Variants in SYT16 observed in about 807,000 individuals in gnomAD.
The protein encoded by SYT16 is synaptotagmin 16, also known as synaptotagmin-16.
SYT16 carries 42 observed loss-of-function variants against 61.4 expected under a neutral mutation model. That is an observed-to-expected ratio of 0.68 (90% CI 0.53 to 0.89). The LOEUF (loss-of-function observed/expected upper bound fraction) is 0.89. Among genes scored for constraint, SYT16 ranks in the 40% least tolerant of loss-of-function variants. The pLI, the probability that SYT16 is intolerant of heterozygous loss-of-function variation, is 0.00. For missense variants in SYT16, 804 were observed against 807.3 expected (o/e 1.00, Z 0.05); for synonymous variants, 314 against 302.3 (o/e 1.04, Z -0.40).
chr14:62,024,125 A>G (rs2054012589), intron 3 of SYT16, among the ~76,000 whole-genome samples: 1 of 152,166 alleles, frequency 6.6e-6, no homozygotes, highest in African/African-American at 2.4e-5. Flanking sequence ...GGTCATAATA[A>G]TATAAATAGC....
intron 1 of SYT16, among the ~76,000 whole-genome samples, chr14:61,850,467 T>A (rs73332899): frequency 0.15 from 22,970 of 152,044 alleles, 1,847 homozygotes; most frequent in African/African-American, 0.22. Flanking sequence ...GATGTTGAAC[T>A]TTTTTTTCAT....
At chr14:62,017,617 G>T (rs1432211819) in intron 3 of SYT16, among the ~76,000 whole-genome samples, 1 of 151,994 alleles carries the variant, frequency 6.6e-6, no homozygotes, top group African/African-American at 2.4e-5. Flanking sequence ...TAATCCATCA[G>T]CAACTCTGGT....
intron 5 of SYT16, among the ~76,000 whole-genome samples, chr14:62,079,142 G>T (rs139904335): frequency 1.8e-3 from 277 of 152,286 alleles, no homozygotes; most frequent in African/African-American, 6.4e-3. Context: ...CTTGATTTTT[G>T]AGTTGGCCTA....
In SYT16 at chr14:62,071,124, CA is replaced by C. The variant is rs1290964050; in HGVS notation, c.736+1312del. 2.0e-5 allele frequency among the ~76,000 whole-genome samples: 3 copies of C among 152,130 alleles called. No homozygotes were observed. The East Asian group carries it at 5.8e-4, about 29-fold the overall frequency. On this transcript the variant is annotated intron_variant, in intron 4 of 7. Coordinates refer to ENST00000683842, the MANE Select transcript of SYT16 (RefSeq NM_001367656.1). ...TTAATAAGTAAAGGCCCTATATAAC[CA>C]AACCACAACATCAGTGGCCGCTGAC...
chr14:61,933,652 C>T (rs561655963), intron 1 of SYT16, among the ~76,000 whole-genome samples: 15 of 152,308 alleles, frequency 9.8e-5, no homozygotes, highest in Admixed American at 3.9e-4. Flanking sequence ...GACCCCTTCC[C>T]AGCTAAAGGG....
At chr14:61,985,459 C>T (rs2052264951) in intron 2 of SYT16, among the ~76,000 whole-genome samples, 1 of 152,170 alleles carries the variant, frequency 6.6e-6, no homozygotes, top group Non-Finnish European at 1.5e-5. Context: ...ATCAATAAAA[C>T]TTTCATCAGA....
intron 7 of SYT16, among the ~76,000 whole-genome samples, chr14:62,099,571 A>G (rs1210160394): frequency 1.3e-5 from 2 of 152,186 alleles, no homozygotes; most frequent in African/African-American, 4.8e-5. Flanking sequence ...GAAGAAGTGT[A>G]GTATTCAGCT....
rs1033139988 is a variant in SYT16 at position 61,956,883 on chromosome 14, AT to A, written c.-324-13241del. Among the ~76,000 whole-genome samples the A allele has an allele frequency of 5.9e-5, 9 of 151,578 alleles. No homozygotes were observed. The East Asian group carries it at 1.5e-3, about 26-fold the overall frequency. ...GACAGGGATTGCATTAAATCTATAGATTTTTTTTAAATCTGTACATTGCTAA... is the reference window on the plus strand; with the variant it reads ...GACAGGGATTGCATTAAATCTATAGATTTTTTTAAATCTGTACATTGCTAA... On this transcript the variant is annotated intron_variant, in intron 1 of 7. Coordinates refer to ENST00000683842, the MANE Select transcript of SYT16 (RefSeq NM_001367656.1).
At chr14:62,047,946 T>TG (rs987918004) in intron 3 of SYT16, among the ~76,000 whole-genome samples, 1 of 152,182 alleles carries the variant, frequency 6.6e-6, no homozygotes, top group Non-Finnish European at 1.5e-5. Context: ...CTTTTTTTTG[T>TG]TGTGTCTCTG....
At chr14:61,826,009 A>G (rs1180003992) in intron 1 of SYT16, among the ~76,000 whole-genome samples, 1 of 152,198 alleles carries the variant, frequency 6.6e-6, no homozygotes, top group African/African-American at 2.4e-5. Context: ...ATAGTGCATC[A>G]TTTATTTTTG....
chr14:62,002,965 AC>A (rs1359623202), intron 3 of SYT16, among the ~76,000 whole-genome samples: 1 of 152,000 alleles, frequency 6.6e-6, no homozygotes, highest in Non-Finnish European at 1.5e-5. Flanking sequence ...CCCTTGTAAA[AC>A]CATCAGAGCT....
chr14:61,868,361 A>C (rs2047226482), intron 1 of SYT16, among the ~76,000 whole-genome samples: 1 of 151,818 alleles, frequency 6.6e-6, no homozygotes, highest in Non-Finnish European at 1.5e-5. Flanking sequence ...TCATCTGCTT[A>C]TTATTACCTT....
intron 1 of SYT16, among the ~76,000 whole-genome samples, chr14:61,849,557 C>G (rs1316384951): frequency 2.0e-5 from 3 of 152,172 alleles, no homozygotes; most frequent in Non-Finnish European, 2.9e-5. Flanking sequence ...TCCATGGGCA[C>G]TGGCTGAGTT....
chr14:61,830,055 T>C (rs112851897), intron 1 of SYT16, among the ~76,000 whole-genome samples: 2 of 152,322 alleles, frequency 1.3e-5, no homozygotes, highest in African/African-American at 4.8e-5. Flanking sequence ...GTTATTGTAT[T>C]TTTCAGTTCT....
At chr14:61,818,715 A>G (rs1008712883) in intron 1 of SYT16, among the ~76,000 whole-genome samples, 1 of 151,912 alleles carries the variant, frequency 6.6e-6, no homozygotes, top group Non-Finnish European at 1.5e-5. Flanking sequence ...GATATTATTA[A>G]TGTTATAGAA....
chr14:62,004,703 G>A (rs2053153641), intron 3 of SYT16, among the ~76,000 whole-genome samples: 1 of 152,192 alleles, frequency 6.6e-6, no homozygotes. Flanking sequence ...TCTGTGACAT[G>A]GTTCTGGCAT....
chr14:61,870,283 G>A (rs1472663038), intron 1 of SYT16, among the ~76,000 whole-genome samples: 2 of 152,026 alleles, frequency 1.3e-5, no homozygotes, highest in Non-Finnish European at 2.9e-5. Flanking sequence ...CTTTAAATAC[G>A]TTGTTCCACT....
chr14:61,975,041 A>T (rs150675060), intron 2 of SYT16, among the ~76,000 whole-genome samples: 1 of 152,362 alleles, frequency 6.6e-6, no homozygotes, highest in African/African-American at 2.4e-5. Context: ...CTGTTATAAA[A>T]TATTTTTCAT....
rs980634665 is a variant in SYT16 at position 62,047,936 on chromosome 14, C to CT, written c.524-21659dup. 1.9e-4 allele frequency among the ~76,000 whole-genome samples: 29 copies of CT among 152,020 alleles called. No individual in the cohort carries two copies. In the East Asian group the frequency reaches 2.1e-3, roughly 11 times the overall value. On this transcript the variant is annotated intron_variant, in intron 3 of 7. Coordinates refer to ENST00000683842, the MANE Select transcript of SYT16 (RefSeq NM_001367656.1). The stretch of plus-strand genomic sequence containing the variant: ...ATCAAGGATATTCGTCTAAAATTCT[C>CT]TTTTTTTTGTTGTGTCTCTGCCAGG...
Sources: gnomAD v4.1 joint callset for allele counts (sites outside exome capture counted in the v4.1 genomes callset) on GRCh38, gnomAD v4.1.1 for gene constraint, MANE v1.5 for transcripts, NCBI Gene and HGNC (gene_info 2026-07-23, HGNC 2026-07-21) for gene names.